Variants in AURKC observed in about 807,000 individuals in gnomAD.
AURKC encodes the protein ARK-3.
Under a neutral mutation model 29.2 loss-of-function variants are expected in AURKC, and 15 were observed. The observed-to-expected ratio is 0.51, with a 90% CI of 0.34 to 0.79. The LOEUF is 0.79. Ranked by LOEUF, AURKC falls within the 30% of genes least tolerant of loss-of-function variation. The probability of loss-of-function intolerance (pLI) is 0.01; values close to 1 mark genes in which losing one functional copy is unlikely to be tolerated. For missense variants in AURKC, 332 were observed against 383.2 expected, an observed-to-expected ratio of 0.87 and a Z score of 1.12; for synonymous variants, 150 against 149.9, an observed-to-expected ratio of 1.00 and a Z score of -0.01.
In AURKC at chr19:57,232,144, G is replaced by A. The variant is rs2087499516; in HGVS notation, c.216G>A (p.Lys72=). 2 of 1,614,042 alleles carry A rather than the reference G, an allele frequency of 1.2e-6. No homozygotes were observed. Among genetic ancestry groups the A allele is most frequent in the Non-Finnish European group, 8.5e-7 (1 of 1,180,030 alleles). Reference sequence around the variant, plus strand: ...AAAGCCATTTCATTGTGGCCCTGAAGGTTCTCTTCAAGTCGCAGATAGAGA... The same window carrying A: ...AAAGCCATTTCATTGTGGCCCTGAAAGTTCTCTTCAAGTCGCAGATAGAGA... ...LKESHFIVAL[K]VLFKSQIEKE... is the part of the protein sequence containing the mutation. Residue 72 remains lysine, a synonymous_variant, in exon 3 of 7, where the codon AAG becomes AAA. Coordinates refer to ENST00000302804, the MANE Select transcript of AURKC (RefSeq NM_001015878.2). The surrounding 1 kb of genome is among the most constrained non-coding windows in gnomAD (Gnocchi z 4.5).
chr19:57,231,240 C>T lies in AURKC; in HGVS notation c.-9C>T. The T allele has an allele frequency of 6.4e-7, 1 of 1,551,934 alleles. No homozygotes were observed. Among genetic ancestry groups the T allele is most frequent in the Non-Finnish European group, 8.7e-7 (1 of 1,147,116 alleles). On this transcript the variant is annotated 5_prime_UTR_variant, in exon 1 of 7. Coordinates refer to ENST00000302804, the MANE Select transcript of AURKC (RefSeq NM_001015878.2). ...CAGGAAGGCGTCCGCGCCCTCACCT[C>T]TTCTCCCCATGAGCTCCCCCAGAGC...
rs369872254 is a variant in AURKC, at chr19:57,234,861, T to G, written c.585-23T>G. On this transcript the variant is annotated intron_variant, in intron 5 of 6. Transcript: ENST00000302804. ...ATCCTGGGCCTCTGCTTAGTACTTA[T>G]TCCCTTTTCTGCCTTCCTCTAGGAG... 3.1e-6 allele frequency: 5 copies of G among 1,613,984 alleles called. No homozygotes were observed. In the East Asian group the frequency reaches 1.1e-4, roughly 36 times the overall value.
rs2087493764 is a variant in AURKC at position 57,231,762 on chromosome 19, G to A, written c.79G>A (p.Ala27Thr). 7 of 1,612,750 alleles carry A rather than the reference G, an allele frequency of 4.3e-6. No homozygotes were observed. Among genetic ancestry groups the A allele is most frequent in the Admixed American group, 1.7e-5 (1 of 59,874 alleles). Residue 27 changes from alanine (A) to threonine (T), a missense_variant, in exon 2 of 7, where the codon GCC becomes ACC. By Grantham distance (58) the Ala-to-Thr change is moderately conservative. Coordinates refer to ENST00000302804, the MANE Select transcript of AURKC (RefSeq NM_001015878.2). ...TTCAGTGGCTACAGCAAACCAAACA[G>A]CCCAGCAGCCCAGCAGCCCAGCCAT... ...GEELATANQT[A>T]QQPSSPAMRR...
Position 57,231,101 on chromosome 19 carries a change from G to A in AURKC, c.-148G>A, listed in dbSNP as rs373140364. 4.6e-6 allele frequency: 7 copies of A among 1,520,346 alleles called. No individual in the cohort carries two copies. The African/African-American group carries it at 6.9e-5, about 15-fold the overall frequency. 94.2% of individuals were successfully genotyped at this position (1,520,346 alleles called of 1,614,324 possible). A position where few individuals can be genotyped will look rare whatever the true frequency, so the allele number is the denominator to read the frequency against. ...CGCCGCGGATCCCGAAGCCTGTGTAGCAGTGAGACATCAGTGAGGCTGCAG... is the reference window on the plus strand; with the variant it reads ...CGCCGCGGATCCCGAAGCCTGTGTAACAGTGAGACATCAGTGAGGCTGCAG... On this transcript the variant is annotated 5_prime_UTR_variant, in exon 1 of 7. Coordinates refer to ENST00000302804, the MANE Select transcript of AURKC (RefSeq NM_001015878.2).
At position 57,231,024 on chromosome 19, in the gene AURKC, A is replaced by T; in HGVS notation, c.-225A>T. The T allele has an allele frequency of 2.0e-6, 2 of 1,022,894 alleles. No individual in the cohort carries two copies. The highest frequency in any genetic ancestry group is 3.0e-6 in the Non-Finnish European group (2 of 667,996). The allele number at this position is 1,022,894 out of a possible 1,614,324, so 63.4% of individuals were successfully genotyped here. ...GAGCCAGCCAGGAAGTACCTCTCTGAGCGGTTGGTGCCGGGTATAAAAGAA... is the reference window on the plus strand; with the variant it reads ...GAGCCAGCCAGGAAGTACCTCTCTGTGCGGTTGGTGCCGGGTATAAAAGAA... On this transcript the variant is annotated 5_prime_UTR_variant, in exon 1 of 7. Transcript: ENST00000302804.
rs148631645 is a variant in AURKC at position 57,232,164 on chromosome 19, T to C, written c.236T>C (p.Ile79Thr). 7 of 1,613,940 alleles carry C rather than the reference T, an allele frequency of 4.3e-6. No individual in the cohort carries two copies. In the African/African-American group the frequency reaches 8.0e-5, roughly 18 times the overall value. Reference protein sequence around the residue: ...VALKVLFKSQIEKEGLEHQLR... With the variant: ...VALKVLFKSQTEKEGLEHQLR... ...CTGAAGGTTCTCTTCAAGTCGCAGA[T>C]AGAGAAGGAAGGACTGGAGCACCAG... The change falls in exon 3 of 7, where the codon ATA becomes ACA. Residue 79 changes from isoleucine (I) to threonine (T), a missense_variant. By Grantham distance (89) the Ile-to-Thr change is moderately conservative. Transcript: ENST00000302804. The surrounding 1 kb of genome is among the most constrained non-coding windows in gnomAD (Gnocchi z 4.5).
In AURKC at chr19:57,233,576, T is replaced by C. The variant is rs1417680873; in HGVS notation, c.552T>C (p.Asp184=). ...LGFRGEVKIA[D]FGWSVHTPSL... is the part of the protein sequence containing the mutation. The stretch of plus-strand genomic sequence containing the variant: ...TCAGGGGTGAGGTGAAGATTGCAGA[T>C]TTTGGCTGGTCTGTGCACACCCCCT... Residue 184 remains aspartate, a synonymous_variant, in exon 5 of 7, where the codon GAT becomes GAC. Transcript: ENST00000302804. 6.2e-7 allele frequency: 1 copy of C among 1,613,948 alleles called. No individual in the cohort carries two copies. The highest frequency in any genetic ancestry group is 8.5e-7 in the Non-Finnish European group (1 of 1,180,016).
chr19:57,231,396 C>T, intron 1 of AURKC, 90 bp downstream of exon 1: 1 of 1,359,208 alleles, frequency 7.4e-7, no homozygotes, highest in Non-Finnish European at 1.0e-6. Context: ...TTGACATCTC[C>T]CCTCCCTCTC....
chr19:57,233,462 A>G lies in AURKC; in HGVS notation c.438A>G (p.Ile146Met). ...GTGACTTTTCTTTGCACCCACAGAT[A>G]ATAGAGGAGTTGGCAGATGCCCTGA... ...EKLDEQRTAT[I>M]IEELADALTY... The change falls in exon 5 of 7, where the codon ATA (isoleucine) becomes ATG (methionine). Residue 146 changes from isoleucine (I) to methionine (M), a missense_variant and splice_region_variant. Ile to Met is a conservative substitution (Grantham distance 10, BLOSUM62 1). Transcript: ENST00000302804. The G allele has an allele frequency of 6.2e-7, 1 of 1,614,202 alleles. No individual in the cohort carries two copies. The highest frequency in any genetic ancestry group is 1.1e-5 in the South Asian group (1 of 91,086).
In AURKC at chr19:57,232,304, C is replaced by A; in HGVS notation, c.296+80C>A. ...CCCCAAATACTAACCCCAAGTAAAC[C>A]CTGCACTTGTACCTTGAAGACTTCT... is the stretch of plus-strand genomic sequence containing the variant. On this transcript the variant is annotated intron_variant, in intron 3 of 6. Transcript: ENST00000302804. The surrounding 1 kb of genome is among the most constrained non-coding windows in gnomAD (Gnocchi z 4.5). 1 of 1,547,828 alleles carries A rather than the reference C, an allele frequency of 6.5e-7. No homozygotes were observed. Among genetic ancestry groups the A allele is most frequent in the Non-Finnish European group, 8.8e-7 (1 of 1,135,780 alleles).
chr19:57,231,362 T>C, intron 1 of AURKC, 56 bp downstream of exon 1: 1 of 1,542,600 alleles, frequency 6.5e-7, no homozygotes, highest in Non-Finnish European at 8.8e-7. Flanking sequence ...GGGCCAGGGG[T>C]CGGGTGCACA....
Position 57,232,349 on chromosome 19 carries a change from C to T in AURKC, c.296+125C>T, listed in dbSNP as rs2087501563. Reference sequence around the variant, plus strand: ...ACTTCTCTGCAGTTCATTCCATTTACACTACCTCCTACCCTGGGTCAGACA... The same window carrying T: ...ACTTCTCTGCAGTTCATTCCATTTATACTACCTCCTACCCTGGGTCAGACA... On this transcript the variant is annotated intron_variant, in intron 3 of 6. Coordinates refer to ENST00000302804, the MANE Select transcript of AURKC (RefSeq NM_001015878.2). The surrounding 1 kb of genome is among the most constrained non-coding windows in gnomAD (Gnocchi z 4.5). The T allele has an allele frequency of 1.1e-5, 16 of 1,400,014 alleles. No homozygotes were observed. The highest frequency in any genetic ancestry group is 1.5e-5 in the Non-Finnish European group (15 of 1,009,754). The allele number at this position is 1,400,014 out of a possible 1,614,324, so 86.7% of individuals were successfully genotyped here.
chr19:57,232,801 T>C lies in AURKC; in HGVS notation c.435+121T>C. ...TGAGAAGTTTACTTCTGAATGTTAT[T>C]GTGTAAATTTAATATAATGGCACGT... On this transcript the variant is annotated intron_variant, in intron 4 of 6. Transcript: ENST00000302804. This position sits in a 1 kb window ranked among gnomAD's most constrained non-coding sequence, Gnocchi z 4.5. 1 of 1,332,252 alleles carries C rather than the reference T, an allele frequency of 7.5e-7. No homozygotes were observed. Among genetic ancestry groups the C allele is most frequent in the Non-Finnish European group, 1.1e-6 (1 of 944,878 alleles). 82.5% of individuals were successfully genotyped at this position (1,332,252 alleles called of 1,614,324 possible).
Position 57,232,428 on chromosome 19 carries a change from C to T in AURKC, c.297-114C>T, listed in dbSNP as rs932124147. ...TCCCCTCACTTGCTCCCAGATAGGG[C>T]TGTTGTTATTCTGGTCCCAGCATAA... is the stretch of plus-strand genomic sequence containing the variant. On this transcript the variant is annotated intron_variant, in intron 3 of 6. Coordinates refer to ENST00000302804, the MANE Select transcript of AURKC (RefSeq NM_001015878.2). This position sits in a 1 kb window ranked among gnomAD's most constrained non-coding sequence, Gnocchi z 4.5. The T allele has an allele frequency of 1.6e-5, 25 of 1,530,580 alleles. No individual in the cohort carries two copies. The highest frequency in any genetic ancestry group is 3.4e-5 in the South Asian group (3 of 88,778). The allele number at this position is 1,530,580 out of a possible 1,614,324, so 94.8% of individuals were successfully genotyped here.
chr19:57,234,043 T>C (rs1419777709), intron 5 of AURKC, among the ~76,000 whole-genome samples: 3 of 142,134 alleles, frequency 2.1e-5, no homozygotes, highest in Admixed American at 1.5e-4. Flanking sequence ...AACTACTGCC[T>C]TTTTCTTTTC....
In AURKC at chr19:57,232,782, G is replaced by T. The variant is rs2087507271; in HGVS notation, c.435+102G>T. 1 of 1,458,516 alleles carries T rather than the reference G, an allele frequency of 6.9e-7. No homozygotes were observed. The highest frequency in any genetic ancestry group is 9.5e-7 in the Non-Finnish European group (1 of 1,048,784). The allele number at this position is 1,458,516 out of a possible 1,614,324, so 90.3% of individuals were successfully genotyped here. ...GAGGGTCCGCATTGCCTTCTGAGAA[G>T]TTTACTTCTGAATGTTATTGTGTAA... On this transcript the variant is annotated intron_variant, in intron 4 of 6. Transcript: ENST00000302804. This position sits in a 1 kb window ranked among gnomAD's most constrained non-coding sequence, Gnocchi z 4.5.
chr19:57,232,689 C>T lies in AURKC; in HGVS notation c.435+9C>T, dbSNP rs368597257. On this transcript the variant is annotated intron_variant, in intron 4 of 6. Coordinates refer to ENST00000302804, the MANE Select transcript of AURKC (RefSeq NM_001015878.2). This position sits in a 1 kb window ranked among gnomAD's most constrained non-coding sequence, Gnocchi z 4.5. ...AACAGCGCACAGCCACGGTGAGGTG[C>T]GGGTCTGGAGGCTCTGGGGTCTCTG... is the stretch of plus-strand genomic sequence containing the variant. 29 of 1,612,858 alleles carry T rather than the reference C, an allele frequency of 1.8e-5. No homozygotes were observed. Among genetic ancestry groups the T allele is most frequent in the Non-Finnish European group, 2.3e-5 (27 of 1,180,020 alleles).
chr19:57,233,662 C>G, intron 5 of AURKC, 54 bp downstream of exon 5: 6 of 1,610,164 alleles, frequency 3.7e-6, no homozygotes, highest in Non-Finnish European at 5.1e-6. Flanking sequence ...AGGAATGACC[C>G]AGTTTAATGT....
In AURKC at chr19:57,231,039, G is replaced by T. The variant is rs181127302; in HGVS notation, c.-210G>T. On this transcript the variant is annotated 5_prime_UTR_variant, in exon 1 of 7. Transcript: ENST00000302804. The stretch of plus-strand genomic sequence containing the variant: ...TACCTCTCTGAGCGGTTGGTGCCGG[G>T]TATAAAAGAAGGCCGCGCAGCCACG... The T allele has an allele frequency of 3.1e-3, 3,669 of 1,183,288 alleles. 85 individuals are homozygous for T. Among genetic ancestry groups the T allele is most frequent in the East Asian group, 4.6e-3 (182 of 39,498 alleles). The allele number at this position is 1,183,288 out of a possible 1,614,324, so 73.3% of individuals were successfully genotyped here. A position where few individuals can be genotyped will look rare whatever the true frequency, so the allele number is the denominator to read the frequency against.
Sources: gnomAD v4.1 joint callset for allele counts (sites outside exome capture counted in the v4.1 genomes callset) on GRCh38, gnomAD v4.1.1 for gene constraint, Gnocchi (gnomAD v3.1) non-coding constraint, MANE v1.5 for transcripts, NCBI Gene and HGNC (gene_info 2026-07-23, HGNC 2026-07-21) for gene names.